Variants in SLC2A5 observed in about 807,000 individuals in gnomAD.
The protein encoded by SLC2A5 is solute carrier family 2, facilitated glucose transporter member 5.
In SLC2A5, 56 loss-of-function variants were observed where a neutral mutation model predicts 50.3. That is an observed-to-expected ratio of 1.11 (90% CI 0.90 to 1.39). The LOEUF (loss-of-function observed/expected upper bound fraction) is 1.39, where lower values mean the gene tolerates loss of function less well. Among genes scored for constraint, SLC2A5 ranks in the 40% most tolerant of loss-of-function variants. The pLI, the probability that SLC2A5 is intolerant of heterozygous loss-of-function variation, is 0.00. For synonymous variants in SLC2A5, 269 were observed against 281.9 expected, an observed-to-expected ratio of 0.95 and a Z score of 0.46; for missense variants, 566 against 650.1, an observed-to-expected ratio of 0.87 and a Z score of 1.41.
chr1:9,072,197 G>C (rs1465815835), upstream of SLC2A5: 1 of 152,232 alleles, frequency 6.6e-6, no homozygotes, highest in Non-Finnish European at 1.5e-5. Context: ...CAGGCTCCGC[G>C]AGCAGGGCGG....
upstream of SLC2A5, among the ~76,000 whole-genome samples, chr1:9,092,299 C>T (rs917338766): frequency 3.3e-5 from 5 of 152,204 alleles, no homozygotes; most frequent in Non-Finnish European, 7.3e-5. Context: ...TCAAACCCTA[C>T]ATACTGGTTC....
At chr1:9,065,885 A>G (rs990528669) in intron 1 of SLC2A5, among the ~76,000 whole-genome samples, 4 of 152,156 alleles carry the variant, frequency 2.6e-5, no homozygotes, top group African/African-American at 7.2e-5. Context: ...AGGAGGCTGC[A>G]ATGAGCCGTG....
chr1:9,092,280 G>A (rs866617399), upstream of SLC2A5, among the ~76,000 whole-genome samples: 5 of 152,010 alleles, frequency 3.3e-5, no homozygotes, highest in African/African-American at 1.2e-4. Context: ...ACCACAGTGG[G>A]GGCACAATTC....
chr1:9,056,998 A>G (rs1402207023), intron 3 of SLC2A5, among the ~76,000 whole-genome samples: 1 of 152,224 alleles, frequency 6.6e-6, no homozygotes, highest in African/African-American at 2.4e-5. Context: ...CCATTAGAAA[A>G]TAAAAATGAC....
At chr1:9,087,963 T>C (rs1642420879) in intron 1 of SLC2A5, among the ~76,000 whole-genome samples, 1 of 152,118 alleles carries the variant, frequency 6.6e-6, no homozygotes, top group Admixed American at 6.5e-5. Context: ...AGTTTTTTAT[T>C]ACAACACAGC....
chr1:9,093,460 G>C (rs796989950), upstream of SLC2A5, among the ~76,000 whole-genome samples: 59 of 152,170 alleles, frequency 3.9e-4, no homozygotes, highest in African/African-American at 1.4e-3. Context: ...AGCCGCTTAT[G>C]TCTCTTTGTC....
Position 9,040,005 on chromosome 1 carries a change from C to G in SLC2A5, c.698-18G>C. 6.3e-7 allele frequency: 1 copy of G among 1,598,788 alleles called. No homozygotes were observed. Among genetic ancestry groups the G allele is most frequent in the Non-Finnish European group, 8.5e-7 (1 of 1,169,916 alleles). Reference sequence around the variant, plus strand: ...CTGTAGGGCTGGGGAGAAGCGGCACCGTCGGACCAGGGCTGGGGAGCAGAA... The same window carrying G: ...CTGTAGGGCTGGGGAGAAGCGGCACGGTCGGACCAGGGCTGGGGAGCAGAA... On this transcript the variant is annotated intron_variant, in intron 6 of 11. Transcript: ENST00000377424. The surrounding 1 kb of genome is among the most constrained non-coding windows in gnomAD (Gnocchi z 4.3).
At chr1:9,052,630 G>T (rs1641607166) in intron 3 of SLC2A5, among the ~76,000 whole-genome samples, 1 of 152,168 alleles carries the variant, frequency 6.6e-6, no homozygotes, top group Non-Finnish European at 1.5e-5. Context: ...TGTTGATAAA[G>T]GGGGAGACTA....
chr1:9,045,735 T>G (rs1641417173), intron 4 of SLC2A5, among the ~76,000 whole-genome samples: 4 of 151,932 alleles, frequency 2.6e-5, no homozygotes, highest in African/African-American at 9.7e-5. Flanking sequence ...CTGGGTGTGG[T>G]GGCGGGCAGC....
intron 3 of SLC2A5, among the ~76,000 whole-genome samples, chr1:9,054,877 T>C (rs981921335): frequency 1.3e-5 from 2 of 152,166 alleles, no homozygotes; most frequent in African/African-American, 2.4e-5. Flanking sequence ...TGAGCTGTGA[T>C]CATGCCACTG....
At chr1:9,069,700 G>T (rs1642173020), upstream of SLC2A5, 2 of 709,318 alleles carry the variant, frequency 2.8e-6, no homozygotes, top group African/African-American at 3.6e-5. Context: ...TCAGGAACCT[G>T]GTCTTCCTTT....
rs780227259 is a variant in SLC2A5 at position 9,040,236 on chromosome 1, C to T, written c.572-47G>A. 4.6e-6 allele frequency: 7 copies of T among 1,531,988 alleles called. 1 individual carries two copies. The South Asian group carries it at 4.8e-5, about 11-fold the overall frequency. 94.9% of individuals were successfully genotyped at this position (1,531,988 alleles called of 1,614,324 possible). ...GGCACCAGCGGCCTCCCCACCACCCCGAAGGCGCCCTCTGCAGAGCCGGCC... is the reference window on the plus strand; with the variant it reads ...GGCACCAGCGGCCTCCCCACCACCCTGAAGGCGCCCTCTGCAGAGCCGGCC... On this transcript the variant is annotated intron_variant, in intron 5 of 11. Transcript: ENST00000377424. This position sits in a 1 kb window ranked among gnomAD's most constrained non-coding sequence, Gnocchi z 4.3.
At chr1:9,060,364 C>T (rs1297279032) in intron 1 of SLC2A5, among the ~76,000 whole-genome samples, 3 of 137,830 alleles carry the variant, frequency 2.2e-5, no homozygotes, top group Non-Finnish European at 4.7e-5. Flanking sequence ...TGTACACACA[C>T]TACATACACA....
rs767190491 is a variant in SLC2A5, at chr1:9,039,950, C to A, written c.735G>T (p.Arg245Ser). 1.7e-5 allele frequency: 27 copies of A among 1,612,788 alleles called. No homozygotes were observed. Among genetic ancestry groups the A allele is most frequent in the Non-Finnish European group, 2.3e-5 (27 of 1,179,710 alleles). The change falls in exon 7 of 12, where the codon AGG becomes AGT. Residue 245 changes from arginine (R) to serine (S), a missense_variant. Physicochemically the swap from Arg to Ser is moderately radical, Grantham distance 110. Coordinates refer to ENST00000377424, the MANE Select transcript of SLC2A5 (RefSeq NM_003039.3). ...CCTCCTGCCGGATCTCGGCCACCTC[C>A]CTGTCCACAGAGTCCCAGCCGCGCA... ...QTLRGWDSVDREVAEIRQEDE... is the reference protein window; with the variant it reads ...QTLRGWDSVDSEVAEIRQEDE...
At position 9,035,499 on chromosome 1, in the gene SLC2A5, A is replaced by G. The variant is rs1641118210; in HGVS notation, c.*2087T>C. 1 of 152,188 alleles carries G rather than the reference A, an allele frequency of 6.6e-6. No individual in the cohort carries two copies. The highest frequency in any genetic ancestry group is 6.5e-5 in the Admixed American group (1 of 15,272). 9.4% of individuals were successfully genotyped at this position (152,188 alleles called of 1,614,324 possible). A position where few individuals can be genotyped will look rare whatever the true frequency, so the allele number is the denominator to read the frequency against. On this transcript the variant is annotated 3_prime_UTR_variant, in exon 12 of 12. Coordinates refer to ENST00000377424, the MANE Select transcript of SLC2A5 (RefSeq NM_003039.3). ...GTTGCTGGTGGAATCTCCATTACAT[A>G]CCCACAAAAAGTGCTCCCAAGTCCC...
At chr1:9,039,733 G>GC (rs1641245493) in intron 7 of SLC2A5, 67 bp downstream of exon 7, 1 of 1,417,372 alleles carries the variant, frequency 7.1e-7, no homozygotes, top group Non-Finnish European at 9.2e-7. Flanking sequence ...CACGCCCGGC[G>GC]CCCCAGGACC....
chr1:9,087,187 T>C (rs1642410944), intron 1 of SLC2A5, among the ~76,000 whole-genome samples: 1 of 151,640 alleles, frequency 6.6e-6, no homozygotes, highest in South Asian at 2.1e-4. Context: ...TCAAGCCACA[T>C]TTTGTGTTTC....
At chr1:9,064,324 T>C (rs1271202491) in intron 1 of SLC2A5, among the ~76,000 whole-genome samples, 1 of 152,026 alleles carries the variant, frequency 6.6e-6, no homozygotes, top group Non-Finnish European at 1.5e-5. Context: ...AGGGAGGGGC[T>C]GAAGAGGATG....
intron 3 of SLC2A5, among the ~76,000 whole-genome samples, chr1:9,048,135 G>A (rs2124354771): frequency 6.6e-6 from 1 of 152,308 alleles, no homozygotes; most frequent in South Asian, 2.1e-4. Context: ...CAACGTGGAT[G>A]CCACAATCCT....
Sources: allele counts gnomAD v4.1 joint callset (sites outside exome capture counted in the v4.1 genomes callset), GRCh38; gene constraint gnomAD v4.1.1; non-coding constraint Gnocchi (gnomAD v3.1); transcripts MANE v1.5; gene names NCBI Gene and HGNC (gene_info 2026-07-23, HGNC 2026-07-21).